Variants in PCDHGA9 observed in about 807,000 individuals in gnomAD.
PCDHGA9 encodes protocadherin gamma subfamily A, 9.
In PCDHGA9, 37 loss-of-function variants were observed where a neutral mutation model predicts 62.5. The ratio of observed to expected loss-of-function variants is 0.59; its 90% CI spans 0.46 to 0.78. The LOEUF is 0.78. PCDHGA9 is among the 30% of genes least tolerant of loss of function. The pLI is 0.00. For synonymous variants in PCDHGA9, 459 were observed against 484.6 expected, an observed-to-expected ratio of 0.95 and a Z score of 0.69; for missense variants, 1,138 against 1,166.2, an observed-to-expected ratio of 0.98 and a Z score of 0.35.
At chr5:141,433,272 C>A in intron 1 of PCDHGA9, 1 of 1,252,410 alleles carries the variant, frequency 8.0e-7, no homozygotes, top group Non-Finnish European at 1.1e-6. Context: ...TAGCTCACTG[C>A]AGCCTCAAAC....
At chr5:141,482,901 A>T (rs192886570) in intron 1 of PCDHGA9, among the ~76,000 whole-genome samples, 2 of 152,240 alleles carry the variant, frequency 1.3e-5, no homozygotes, top group African/African-American at 4.8e-5. Flanking sequence ...GTGAAACCTC[A>T]TCTCTATTAA....
Position 141,403,030 on chromosome 5 carries a change from C to T in PCDHGA9, c.78C>T (p.Ala26=). ...CGCTCCTGGGGATGCTATGGGAGGC[C>T]AGGGCCAGTCAGATTCGCTACTCAG... is the stretch of plus-strand genomic sequence containing the variant. The part of the protein sequence containing the change: ...LCSLLGMLWE[A]RASQIRYSVP... Residue 26 remains alanine (A), a synonymous_variant, in exon 1 of 4, where the codon GCC becomes GCT. Coordinates refer to ENST00000573521, the MANE Select transcript of PCDHGA9 (RefSeq NM_018921.3). 6.2e-7 allele frequency: 1 copy of T among 1,614,056 alleles called. No homozygotes were observed. Among genetic ancestry groups the T allele is most frequent in the Non-Finnish European group, 8.5e-7 (1 of 1,179,898 alleles).
chr5:141,439,118 G>A (rs1293542421), intron 1 of PCDHGA9, among the ~76,000 whole-genome samples: 3 of 151,390 alleles, frequency 2.0e-5, no homozygotes, highest in Non-Finnish European at 4.4e-5. Flanking sequence ...ACTTGAACCC[G>A]GGAGACAGAG....
At chr5:141,422,289 T>G in intron 1 of PCDHGA9, 1 of 1,553,678 alleles carries the variant, frequency 6.4e-7, no homozygotes, top group African/African-American at 1.4e-5. Context: ...CCTCTTCTAT[T>G]AATTCAATTC....
intron 1 of PCDHGA9, chr5:141,427,887 C>T (rs759734297): frequency 3.8e-6 from 6 of 1,565,908 alleles, no homozygotes; most frequent in South Asian, 1.1e-5. Flanking sequence ...GGCCCACGAC[C>T]AGGGCTCGCC....
rs1230717990 is a variant in PCDHGA9, at chr5:141,431,707, G to A, written c.2424+26331G>A. The A allele has an allele frequency of 6.2e-7, 1 of 1,614,232 alleles. No homozygotes were observed. Among genetic ancestry groups the A allele is most frequent in the South Asian group, 1.1e-5 (1 of 91,088 alleles). On this transcript the variant is annotated intron_variant, in intron 1 of 3. Coordinates refer to ENST00000573521, the MANE Select transcript of PCDHGA9 (RefSeq NM_018921.3). This position sits in a 1 kb window ranked among gnomAD's most constrained non-coding sequence, Gnocchi z 4.8. ...ACCACGAGGAGTCAGGATTCTACCAGATGGAAGTGCAAGCAATGGATAATG... is the reference window on the plus strand; with the variant it reads ...ACCACGAGGAGTCAGGATTCTACCAAATGGAAGTGCAAGCAATGGATAATG...
rs2097424370 is a variant in PCDHGA9, at chr5:141,431,859, C to G, written c.2424+26483C>G. On this transcript the variant is annotated intron_variant, in intron 1 of 3. Coordinates refer to ENST00000573521, the MANE Select transcript of PCDHGA9 (RefSeq NM_018921.3). The surrounding 1 kb of genome is among the most constrained non-coding windows in gnomAD (Gnocchi z 4.8). ...AACTCTCCCAGAGGGACATTAATTG[C>G]CCTTTTAAATGTAAATGACCAAGAT... is the stretch of plus-strand genomic sequence containing the variant. The G allele has an allele frequency of 1.2e-6, 2 of 1,614,060 alleles. No individual in the cohort carries two copies. Among genetic ancestry groups the G allele is most frequent in the Middle Eastern group, 3.3e-4 (2 of 6,084 alleles).
At chr5:141,421,972 C>T (rs764728654) in intron 1 of PCDHGA9, 2 of 1,609,892 alleles carry the variant, frequency 1.2e-6, no homozygotes, top group African/African-American at 2.7e-5. Context: ...GTCCGTATAT[C>T]GCGTGAGTGT....
chr5:141,460,741 A>C (rs1378900827), intron 1 of PCDHGA9, among the ~76,000 whole-genome samples: 1 of 152,128 alleles, frequency 6.6e-6, no homozygotes, highest in African/African-American at 2.4e-5. Flanking sequence ...CACATTGTAT[A>C]TATATGTGTA....
At chr5:141,452,134 T>C (rs539377216) in intron 1 of PCDHGA9, among the ~76,000 whole-genome samples, 2 of 152,344 alleles carry the variant, frequency 1.3e-5, no homozygotes, top group South Asian at 2.1e-4. Flanking sequence ...ATATGGCTCA[T>C]GTGTTTTTTC....
intron 1 of PCDHGA9, chr5:141,422,354 A>G: frequency 6.4e-7 from 1 of 1,557,090 alleles, no homozygotes; most frequent in Non-Finnish European, 8.6e-7. Flanking sequence ...CAAGATCAAG[A>G]TTCTGGAGAA....
chr5:141,450,468 A>G (rs1187171122), intron 1 of PCDHGA9, among the ~76,000 whole-genome samples: 2 of 151,696 alleles, frequency 1.3e-5, no homozygotes, highest in African/African-American at 4.9e-5. Flanking sequence ...TTTTATATAT[A>G]GAGTTTGTTT....
At chr5:141,411,134 G>A (rs1050594380) in intron 1 of PCDHGA9, 1 of 152,434 alleles carries the variant, frequency 6.6e-6, no homozygotes, top group Non-Finnish European at 1.5e-5. Context: ...ACAGGCGTGA[G>A]CCACAATATT....
intron 1 of PCDHGA9, among the ~76,000 whole-genome samples, chr5:141,454,239 A>T (rs1221886368): frequency 6.6e-6 from 1 of 152,200 alleles, no homozygotes; most frequent in Non-Finnish European, 1.5e-5. Context: ...GATGAAAAGG[A>T]TGAAGATGTC....
intron 1 of PCDHGA9, among the ~76,000 whole-genome samples, chr5:141,462,288 G>A (rs1239615759): frequency 3.9e-5 from 6 of 152,196 alleles, no homozygotes; most frequent in Non-Finnish European, 7.3e-5. Flanking sequence ...CACCAAATAT[G>A]TAAGTATTAC....
At position 141,486,691 on chromosome 5, in the gene PCDHGA9, T is replaced by C. The variant is rs778748447; in HGVS notation, c.2425-8116T>C. 8 of 1,614,024 alleles carry C rather than the reference T, an allele frequency of 5.0e-6. No individual in the cohort carries two copies. The highest frequency in any genetic ancestry group is 1.3e-5 in the African/African-American group (1 of 74,922). The stretch of plus-strand genomic sequence containing the variant: ...GGAATCGAGATGTATCAGCTTCCTC[T>C]TTCATCTCTCTGAACCCCCAGACAG... On this transcript the variant is annotated intron_variant, in intron 1 of 3. Coordinates refer to ENST00000573521, the MANE Select transcript of PCDHGA9 (RefSeq NM_018921.3). The surrounding 1 kb of genome is among the most constrained non-coding windows in gnomAD (Gnocchi z 5.0).
At chr5:141,421,261 C>T (rs753531462) in intron 1 of PCDHGA9, 24 of 1,609,076 alleles carry the variant, frequency 1.5e-5, no homozygotes, top group Non-Finnish European at 2.0e-5. Context: ...GGACCGCAGT[C>T]GGCTGCTGCT....
rs1225265096 is a variant in PCDHGA9 at position 141,490,666 on chromosome 5, G to A, written c.2425-4141G>A. Reference sequence around the variant, plus strand: ...GCCTCCGGGCTCCCTTCTTTGCACTGTGGCTGCCTCAGATCCAGACACTGG... The same window carrying A: ...GCCTCCGGGCTCCCTTCTTTGCACTATGGCTGCCTCAGATCCAGACACTGG... On this transcript the variant is annotated intron_variant, in intron 1 of 3. Coordinates refer to ENST00000573521, the MANE Select transcript of PCDHGA9 (RefSeq NM_018921.3). The surrounding 1 kb of genome is among the most constrained non-coding windows in gnomAD (Gnocchi z 5.4). The A allele has an allele frequency of 1.2e-6, 2 of 1,614,134 alleles. No homozygotes were observed. The highest frequency in any genetic ancestry group is 3.3e-5 in the Admixed American group (2 of 60,026).
At position 141,404,379 on chromosome 5, in the gene PCDHGA9, C is replaced by T. The variant is rs548569433; in HGVS notation, c.1427C>T (p.Ala476Val). The stretch of plus-strand genomic sequence containing the variant: ...GGTACTTCCATCTTCTCCGTGATTG[C>T]CTATGACCCTGATAGCAATGAGAAT... ...ARGTSIFSVIAYDPDSNENSR... is the reference protein window; with the variant it reads ...ARGTSIFSVIVYDPDSNENSR... The change falls in exon 1 of 4, where the codon GCC (alanine) becomes GTC (valine). Residue 476 changes from alanine (A) to valine (V), a missense_variant. Transcript: ENST00000573521. 6.2e-7 allele frequency: 1 copy of T among 1,613,940 alleles called. No individual in the cohort carries two copies. The highest frequency in any genetic ancestry group is 1.3e-5 in the African/African-American group (1 of 75,050).
Sources: gnomAD v4.1 joint callset for allele counts (sites outside exome capture counted in the v4.1 genomes callset) on GRCh38, gnomAD v4.1.1 for gene constraint, Gnocchi (gnomAD v3.1) non-coding constraint, MANE v1.5 for transcripts, NCBI Gene and HGNC (gene_info 2026-07-23, HGNC 2026-07-21) for gene names.